The following CCDC91 variants were observed in gnomAD, a reference collection of about 807,000 sequenced individuals.
The protein encoded by CCDC91 is coiled-coil domain-containing protein 91.
Under a neutral mutation model 63.2 loss-of-function variants are expected in CCDC91, and 48 were observed. That is an observed-to-expected ratio of 0.76 (90% CI 0.60 to 0.97). The LOEUF (loss-of-function observed/expected upper bound fraction) is 0.97, where lower values mean the gene tolerates loss of function less well. Ranked by LOEUF, CCDC91 falls within the 50% of genes least tolerant of loss-of-function variation. The pLI is 0.00. For missense variants in CCDC91, 500 were observed against 494.6 expected (o/e 1.01, Z -0.10); for synonymous variants, 167 against 165.8 (o/e 1.01, Z -0.06).
intron 1 of CCDC91, among the ~76,000 whole-genome samples, chr12:28,238,080 A>G (rs1457724357): frequency 6.6e-6 from 1 of 152,226 alleles, no homozygotes; most frequent in African/African-American, 2.4e-5. Context: ...TTGTAAGTCT[A>G]CAACCTATAA....
At chr12:28,340,959 G>T (rs1210275473) in intron 6 of CCDC91, among the ~76,000 whole-genome samples, 1 of 152,134 alleles carries the variant, frequency 6.6e-6, no homozygotes, top group Non-Finnish European at 1.5e-5. Flanking sequence ...GTAGTTTTCA[G>T]CAGATGGGGT....
chr12:28,227,501 C>G (rs779410598), intron 1 of CCDC91, among the ~76,000 whole-genome samples: 10 of 151,910 alleles, frequency 6.6e-5, no homozygotes, highest in African/African-American at 1.2e-4. Flanking sequence ...TTTGGTCTTT[C>G]TTTTATTGAA....
rs571371262 is a variant in CCDC91, at chr12:28,191,319, C to T, written c.-15+678C>T. 3 of 152,326 alleles carry T rather than the reference C, an allele frequency of 2.0e-5. No individual in the cohort carries two copies. The South Asian group carries it at 6.2e-4, about 32-fold the overall frequency. 9.4% of individuals were successfully genotyped at this position (152,326 alleles called of 1,614,324 possible). On this transcript the variant is annotated intron_variant, in intron 1 of 12. Transcript: ENST00000536442. ...AGGAGTGGAACTCTATTAAAAGCTG[C>T]GCTGGTGTTTTTTTGGTAGGATGAT...
At position 28,523,809 on chromosome 12, in the gene CCDC91, G is replaced by T. The variant is rs572212027; in HGVS notation, c.1216-25254G>T. On this transcript the variant is annotated intron_variant, in intron 12 of 12. Coordinates refer to ENST00000536442, the MANE Select transcript of CCDC91 (RefSeq NM_018318.5). ...TCTCAGCATTTGCTTGTCTGTAAAG[G>T]ATTTTATTTCTCCTTCACTTATGAA... Among the ~76,000 whole-genome samples, 330 of 152,146 alleles carry T rather than the reference G, an allele frequency of 2.2e-3. 3 individuals carry two copies. The highest frequency in any genetic ancestry group is 7.4e-3 in the African/African-American group (308 of 41,512).
intron 1 of CCDC91, among the ~76,000 whole-genome samples, chr12:28,207,582 C>G (rs759282249): frequency 6.6e-6 from 1 of 152,114 alleles, no homozygotes; most frequent in Non-Finnish European, 1.5e-5. Flanking sequence ...TTGAAAATGA[C>G]AAATGAAATC....
At chr12:28,390,321 T>C (rs1945854253) in intron 7 of CCDC91, among the ~76,000 whole-genome samples, 1 of 152,070 alleles carries the variant, frequency 6.6e-6, no homozygotes, top group East Asian at 1.9e-4. Flanking sequence ...TTGGTGAATA[T>C]GCCAACGGTC....
At chr12:28,520,218 C>A (rs1267293465) in intron 12 of CCDC91, among the ~76,000 whole-genome samples, 1 of 152,180 alleles carries the variant, frequency 6.6e-6, no homozygotes, top group Non-Finnish European at 1.5e-5. Flanking sequence ...TTCTCCACAT[C>A]CTCTCCAGCA....
At chr12:28,399,027 C>G (rs1177981382) in intron 8 of CCDC91, among the ~76,000 whole-genome samples, 1 of 152,042 alleles carries the variant, frequency 6.6e-6, no homozygotes, top group Non-Finnish European at 1.5e-5. Context: ...AGTCAGCTCT[C>G]ACACTACTAT....
chr12:28,396,448 G>A (rs1253113483), intron 8 of CCDC91, among the ~76,000 whole-genome samples: 1 of 152,108 alleles, frequency 6.6e-6, no homozygotes, highest in Non-Finnish European at 1.5e-5. Context: ...AAATTGATCG[G>A]AGGGAATATT....
At chr12:28,454,711 A>C (rs977545392) in intron 11 of CCDC91, among the ~76,000 whole-genome samples, 6 of 152,110 alleles carry the variant, frequency 3.9e-5, no homozygotes, top group African/African-American at 1.4e-4. Context: ...GTTTCTAGAA[A>C]GGTTGGTTGG....
chr12:28,395,581 A>T (rs1227009297), intron 8 of CCDC91, among the ~76,000 whole-genome samples: 2 of 152,176 alleles, frequency 1.3e-5, no homozygotes, highest in African/African-American at 2.4e-5. Context: ...TCAGGAATGG[A>T]CAGATGGAAG....
intron 11 of CCDC91, among the ~76,000 whole-genome samples, chr12:28,476,003 C>G (rs1435682574): frequency 2.0e-5 from 3 of 151,808 alleles, no homozygotes; most frequent in Middle Eastern, 3.2e-3. Flanking sequence ...CACTCATTTT[C>G]CTAGTATTTT....
intron 1 of CCDC91, among the ~76,000 whole-genome samples, chr12:28,215,482 A>G (rs1441793273): frequency 1.3e-5 from 2 of 152,174 alleles, no homozygotes; most frequent in African/African-American, 4.8e-5. Flanking sequence ...TGTGGTTGGC[A>G]TGATGTAATG....
chr12:28,475,814 T>A (rs1354000916), intron 11 of CCDC91, among the ~76,000 whole-genome samples: 2 of 151,974 alleles, frequency 1.3e-5, no homozygotes, highest in East Asian at 3.9e-4. Flanking sequence ...AGGCAAACCA[T>A]GAATCAATTT....
intron 1 of CCDC91, among the ~76,000 whole-genome samples, chr12:28,202,952 C>T (rs899926148): frequency 1.2e-4 from 19 of 152,192 alleles, no homozygotes; most frequent in African/African-American, 4.6e-4. Context: ...AGGTTATTGG[C>T]ACTGGACAAG....
chr12:28,363,036 G>A lies in CCDC91; in HGVS notation c.654+521G>A, dbSNP rs1417369519. Among the ~76,000 whole-genome samples the A allele has an allele frequency of 2.6e-5, 4 of 152,130 alleles. No homozygotes were observed. The East Asian group carries it at 7.7e-4, about 29-fold the overall frequency. ...GCCTGCATAAGCTGAAATATTTAAA[G>A]CACATTGAGCATTTAATGTCAAATT... On this transcript the variant is annotated intron_variant, in intron 7 of 12. Coordinates refer to ENST00000536442, the MANE Select transcript of CCDC91 (RefSeq NM_018318.5).
rs1246877548 is a variant in CCDC91 at position 28,412,717 on chromosome 12, T to A, written c.762+21306T>A. On this transcript the variant is annotated intron_variant, in intron 8 of 12. Coordinates refer to ENST00000536442, the MANE Select transcript of CCDC91 (RefSeq NM_018318.5). ...CTGGGGTGGTCAGCTTTTATCCCCT[T>A]ATTGTCCCCTCCCATGTTCCATTTC... 6 of 453,218 alleles carry A rather than the reference T, an allele frequency of 1.3e-5. No individual in the cohort carries two copies. In the Admixed American group the frequency reaches 1.4e-4, roughly 11 times the overall value. 28.1% of individuals were successfully genotyped at this position (453,218 alleles called of 1,614,324 possible).
chr12:28,263,653 G>A (rs529008940), intron 3 of CCDC91, among the ~76,000 whole-genome samples: 1 of 152,088 alleles, frequency 6.6e-6, no homozygotes, highest in South Asian at 2.1e-4. Context: ...CTATAAACAT[G>A]GGTGTCTAAT....
At chr12:28,208,714 A>C (rs1194843550) in intron 1 of CCDC91, among the ~76,000 whole-genome samples, 1 of 152,214 alleles carries the variant, frequency 6.6e-6, no homozygotes, top group Non-Finnish European at 1.5e-5. Flanking sequence ...TTACTCATTG[A>C]TAGAGGGAAG....
Sources: gnomAD v4.1 joint callset for allele counts (sites outside exome capture counted in the v4.1 genomes callset) on GRCh38, gnomAD v4.1.1 for gene constraint, MANE v1.5 for transcripts, NCBI Gene and HGNC (gene_info 2026-07-23, HGNC 2026-07-21) for gene names.